GIMD1: variants seen among roughly 807,000 people sequenced by gnomAD.
The protein encoded by GIMD1 is GTPase IMAP family member GIMD1.
A neutral mutation model predicts 14.9 loss-of-function variants in GIMD1; 14 were observed. That is an observed-to-expected ratio of 0.94 (90% CI 0.62 to 1.47). The LOEUF (loss-of-function observed/expected upper bound fraction) is 1.47. Among genes scored for constraint, GIMD1 ranks in the 40% most tolerant of loss-of-function variants. GIMD1 has a pLI of 0.00. For missense variants in GIMD1, 272 were observed against 255.3 expected (o/e 1.07, Z -0.44); for synonymous variants, 91 against 90.5 (o/e 1.01, Z -0.03).
chr4:106,368,397 G>A (rs149815541), intron 1 of GIMD1, among the ~76,000 whole-genome samples: 2 of 152,224 alleles, frequency 1.3e-5, no homozygotes, highest in African/African-American at 4.8e-5. Flanking sequence ...TTTTAATATT[G>A]CATATTTATT....
chr4:106,364,521 A>C (rs1283717978), intron 2 of GIMD1, among the ~76,000 whole-genome samples: 1 of 152,152 alleles, frequency 6.6e-6, no homozygotes, highest in Non-Finnish European at 1.5e-5. Flanking sequence ...GATGGCTGCC[A>C]CCAGTATCTG....
chr4:106,367,428 T>C lies in GIMD1; in HGVS notation c.8A>G (p.Asp3Gly). 1 of 1,531,784 alleles carries C rather than the reference T, an allele frequency of 6.5e-7. No homozygotes were observed. Among genetic ancestry groups the C allele is most frequent in the South Asian group, 1.2e-5 (1 of 83,462 alleles). The allele number at this position is 1,531,784 out of a possible 1,614,324, so 94.9% of individuals were successfully genotyped here. The stretch of plus-strand genomic sequence containing the variant: ...CAAGTTGATGATCATCTTGTTGGGG[T>C]CTGTCATGGCTGTAGGAAAACAAAG... MT[D>G]PNKMIINLAL... Residue 3 changes from aspartate to glycine, a missense_variant, in exon 2 of 3, where the codon GAC (aspartate) becomes GGC (glycine). Physicochemically the swap from Asp to Gly is moderately conservative, Grantham distance 94 (BLOSUM62 -1). Coordinates refer to ENST00000638719, the MANE Select transcript of GIMD1 (RefSeq NM_001195138.2).
At chr4:106,361,279 A>T (rs142661830) in intron 2 of GIMD1, among the ~76,000 whole-genome samples, 2 of 152,196 alleles carry the variant, frequency 1.3e-5, no homozygotes, top group African/African-American at 2.4e-5. Flanking sequence ...GGAGACAGAC[A>T]GGAAAGAAAT....
intron 2 of GIMD1, among the ~76,000 whole-genome samples, chr4:106,365,042 G>A (rs1770674649): frequency 6.6e-6 from 1 of 152,080 alleles, no homozygotes; most frequent in Non-Finnish European, 1.5e-5. Flanking sequence ...TGTGTTTACT[G>A]CATTTACTGA....
rs1365603338 is a variant in GIMD1 at position 106,367,125 on chromosome 4, C to A, written c.311G>T (p.Gly104Val). Residue 104 changes from glycine (G) to valine (V), a missense_variant, in exon 2 of 3, where the codon GGT (glycine) becomes GTT (valine). Gly to Val is a moderately radical substitution (Grantham distance 109, BLOSUM62 -3). Coordinates refer to ENST00000638719, the MANE Select transcript of GIMD1 (RefSeq NM_001195138.2). ...CTGAACCAGGAGTGCAAGGTGGAGA[C>A]CCCCTTGCCCGAAGTGATGTGCCAG... ...EALAHHFGQG[G>V]LHLALLVQRA... 5 of 1,535,220 alleles carry A rather than the reference C, an allele frequency of 3.3e-6. No individual in the cohort carries two copies. Among genetic ancestry groups the A allele is most frequent in the African/African-American group, 1.4e-5 (1 of 72,894 alleles).
intron 2 of GIMD1, among the ~76,000 whole-genome samples, chr4:106,359,684 A>G (rs552864715): frequency 9.9e-5 from 15 of 151,814 alleles, no homozygotes; most frequent in Admixed American, 9.2e-4. Flanking sequence ...AATTTATAAT[A>G]TGGAAAAATT....
At position 106,367,258 on chromosome 4, in the gene GIMD1, G is replaced by T. The variant is rs779850471; in HGVS notation, c.178C>A (p.Arg60Ser). 3.9e-6 allele frequency: 6 copies of T among 1,535,594 alleles called. No individual in the cohort carries two copies. Among genetic ancestry groups the T allele is most frequent in the African/African-American group, 2.7e-5 (2 of 73,012 alleles). Residue 60 changes from arginine (R) to serine (S), a missense_variant, in exon 2 of 3, where the codon CGT becomes AGT. Arg to Ser is a moderately radical substitution (Grantham distance 110). Coordinates refer to ENST00000638719, the MANE Select transcript of GIMD1 (RefSeq NM_001195138.2). Reference protein sequence around the residue: ...GRSCHLHSFMRRGGLEVALQV... With the variant: ...GRSCHLHSFMSRGGLEVALQV... Reference sequence around the variant, plus strand: ...AGGGCTACCTCTAGCCCACCTCGACGCATGAAGCTGTGGAGGTGACAACTG... The same window carrying T: ...AGGGCTACCTCTAGCCCACCTCGACTCATGAAGCTGTGGAGGTGACAACTG...
chr4:106,362,975 C>T (rs774882408), intron 2 of GIMD1, among the ~76,000 whole-genome samples: 1 of 151,934 alleles, frequency 6.6e-6, no homozygotes, highest in Non-Finnish European at 1.5e-5. Context: ...ACCAAGGTCC[C>T]CCATCTTTCC....
At chr4:106,366,054 T>A (rs1367910464) in intron 2 of GIMD1, among the ~76,000 whole-genome samples, 5 of 151,950 alleles carry the variant, frequency 3.3e-5, no homozygotes, top group Non-Finnish European at 7.4e-5. Context: ...TGAATAAGCC[T>A]CCAACTTAGT....
intron 2 of GIMD1, 61 bp from the exon 3 acceptor site, chr4:106,358,504 G>A: frequency 7.7e-7 from 1 of 1,305,654 alleles, no homozygotes; most frequent in South Asian, 1.5e-5. Flanking sequence ...AATGAGCAAA[G>A]GATTTATTAC....
Position 106,367,326 on chromosome 4 carries a change from C to T in GIMD1, c.110G>A (p.Ser37Asn). The T allele has an allele frequency of 2.0e-6, 3 of 1,536,038 alleles. No individual in the cohort carries two copies. Among genetic ancestry groups the T allele is most frequent in the Non-Finnish European group, 2.6e-6 (3 of 1,146,860 alleles). ...ILLGSTDFHS[S>N]FAPCSVTTCC... ...TGTGGTCACAGAACAGGGAGCAAAG[C>T]TGCTGTGAAAGTCTGTGCTTCCCAG... The change falls in exon 2 of 3, where the codon AGC becomes AAC. Residue 37 changes from serine (S) to asparagine (N), a missense_variant. Physicochemically the swap from Ser to Asn is conservative, Grantham distance 46. Transcript: ENST00000638719.
chr4:106,358,932 T>C (rs1371076517), intron 2 of GIMD1, among the ~76,000 whole-genome samples: 1 of 151,984 alleles, frequency 6.6e-6, no homozygotes, highest in East Asian at 1.9e-4. Flanking sequence ...AGGTGACATG[T>C]AATGGAAAAG....
At chr4:106,359,978 T>C (rs187444177) in intron 2 of GIMD1, among the ~76,000 whole-genome samples, 1 of 152,132 alleles carries the variant, frequency 6.6e-6, no homozygotes, top group Admixed American at 6.6e-5. Flanking sequence ...AAGATTCATG[T>C]CTTTCCATAT....
chr4:106,358,937 G>A (rs1770575248), intron 2 of GIMD1, among the ~76,000 whole-genome samples: 1 of 151,890 alleles, frequency 6.6e-6, no homozygotes, highest in South Asian at 2.1e-4. Flanking sequence ...ACATGTAATG[G>A]AAAAGCTCAG....
At chr4:106,359,514 G>A (rs1188438262) in intron 2 of GIMD1, among the ~76,000 whole-genome samples, 1 of 151,584 alleles carries the variant, frequency 6.6e-6, no homozygotes, top group African/African-American at 2.4e-5. Context: ...ATTATTTGTG[G>A]GAGATACTAT....
chr4:106,367,287 C>G lies in GIMD1; in HGVS notation c.149G>C (p.Gly50Ala), dbSNP rs1429443070. The G allele has an allele frequency of 1.3e-6, 2 of 1,535,858 alleles. No individual in the cohort carries two copies. Among genetic ancestry groups the G allele is most frequent in the African/African-American group, 2.7e-5 (2 of 73,022 alleles). The part of the protein sequence containing the change: ...PCSVTTCCSL[G>A]RSCHLHSFMR... Reference sequence around the variant, plus strand: ...GAAGCTGTGGAGGTGACAACTGCGGCCCAGGCTACAACATGTGGTCACAGA... The same window carrying G: ...GAAGCTGTGGAGGTGACAACTGCGGGCCAGGCTACAACATGTGGTCACAGA... Residue 50 changes from glycine to alanine, a missense_variant, in exon 2 of 3, where the codon GGC becomes GCC. By Grantham distance (60) the Gly-to-Ala change is moderately conservative. Transcript: ENST00000638719.
At chr4:106,365,430 A>T (rs1011564519) in intron 2 of GIMD1, among the ~76,000 whole-genome samples, 1 of 151,416 alleles carries the variant, frequency 6.6e-6, no homozygotes, top group African/African-American at 2.4e-5. Context: ...ACAGTTACTG[A>T]AAAACAATGC....
At chr4:106,361,720 A>G (rs906405225) in intron 2 of GIMD1, among the ~76,000 whole-genome samples, 1 of 152,080 alleles carries the variant, frequency 6.6e-6, no homozygotes, top group South Asian at 2.1e-4. Flanking sequence ...ACCCTTAGAT[A>G]TGTATTGGCT....
chr4:106,368,345 A>G (rs1407421271), intron 1 of GIMD1, among the ~76,000 whole-genome samples: 1 of 152,190 alleles, frequency 6.6e-6, no homozygotes, highest in Non-Finnish European at 1.5e-5. Context: ...TTACTTGCCA[A>G]TTGCTAAAAC....
Sources: allele counts gnomAD v4.1 joint callset (sites outside exome capture counted in the v4.1 genomes callset), GRCh38; gene constraint gnomAD v4.1.1; transcripts MANE v1.5; gene names NCBI Gene and HGNC (gene_info 2026-07-23, HGNC 2026-07-21).